The following CFAP54 variants were observed in gnomAD, a reference collection of about 807,000 sequenced individuals.
CFAP54 encodes cilia- and flagella-associated protein 54.
CFAP54 carries 290 observed loss-of-function variants against 370.4 expected under a neutral mutation model. That is an observed-to-expected ratio of 0.78 (90% confidence interval 0.71 to 0.86). The LOEUF (loss-of-function observed/expected upper bound fraction) is 0.86. CFAP54 is among the 40% of genes least tolerant of loss of function. The pLI, the probability that CFAP54 is intolerant of heterozygous loss-of-function variation, is 0.00. For synonymous variants in CFAP54, 1,206 were observed against 1,236.5 expected (o/e 0.98, Z 0.52); for missense variants, 3,399 against 3,528.7 (o/e 0.96, Z 0.93).
chr12:96,555,512 A>C (rs1047912936), intron 17 of CFAP54, among the ~76,000 whole-genome samples: 1 of 150,258 alleles, frequency 6.7e-6, no homozygotes, highest in Non-Finnish European at 1.5e-5. Context: ...TTGTCTACCT[A>C]GAAAATGCAA....
intron 27 of CFAP54, among the ~76,000 whole-genome samples, 154 bp downstream of exon 27, chr12:96,621,875 G>GTTTGTTTTTTTTTTTTTTTTTTTTTTTTT (rs1956496257): frequency 2.0e-5 from 1 of 50,024 alleles, no homozygotes; most frequent in Non-Finnish European, 3.3e-5. Context: ...TTTTGGGTTT[G>GTTTGTTTTTTTTTTTTTTTTTTTTTTTTT]TTTTTTTTTT....
chr12:96,827,907 T>G lies in CFAP54; in HGVS notation c.9097-1107T>G, dbSNP rs2136756127. Among the ~76,000 whole-genome samples the G allele has an allele frequency of 1.8e-5, 2 of 114,118 alleles. 1 individual carries two copies. Among genetic ancestry groups the G allele is most frequent in the South Asian group, 4.7e-4 (2 of 4,286 alleles). The allele number at this position is 114,118 out of a possible 152,430, so 74.9% of individuals were successfully genotyped here. A position where few individuals can be genotyped will look rare whatever the true frequency, so the allele number is the denominator to read the frequency against. On this transcript the variant is annotated intron_variant, in intron 65 of 67. Transcript: ENST00000524981. ...ATATATAATATATAATTATATATAA[T>G]ACATAGTAATATATTATATTATATA...
intron 50 of CFAP54, among the ~76,000 whole-genome samples, chr12:96,724,742 TCCTTG>T (rs1188895291): frequency 6.6e-6 from 1 of 152,252 alleles, no homozygotes; most frequent in Non-Finnish European, 1.5e-5. Context: ...AGACATGAAG[TCCTTG>T]CCCATGCCTA....
chr12:96,831,148 A>G (rs961551157), intron 66 of CFAP54, among the ~76,000 whole-genome samples: 8 of 152,230 alleles, frequency 5.3e-5, no homozygotes, highest in Admixed American at 5.2e-4. Context: ...GTCAGCTGAC[A>G]GATGTTTAGA....
intron 1 of CFAP54, among the ~76,000 whole-genome samples, chr12:96,495,891 C>T (rs76134996): frequency 0.017 from 2,573 of 152,162 alleles, 79 homozygotes; most frequent in African/African-American, 0.059. Context: ...ATCATTATCT[C>T]ATCTGTAAGG....
intron 33 of CFAP54, 72 bp downstream of exon 33, chr12:96,644,480 T>G: frequency 9.3e-7 from 1 of 1,077,202 alleles, no homozygotes; most frequent in Non-Finnish European, 1.3e-6. Flanking sequence ...TGTTCAGAGC[T>G]CCAATGGTGC....
chr12:96,551,485 A>AGGTGTG (rs1955693701), intron 15 of CFAP54, among the ~76,000 whole-genome samples: 1 of 143,776 alleles, frequency 7.0e-6, no homozygotes, highest in African/African-American at 2.6e-5. Context: ...TTGAATGGGT[A>AGGTGTG]TGTGTGTGTG....
In CFAP54 at chr12:96,765,244, GC is replaced by G. The variant is rs1470334089; in HGVS notation, c.8281+27del. Reference sequence around the variant, plus strand: ...GTATGTTTGGATGTCTACATATTATGCAAAAAAACTGATATATGTAATATAG... The same window carrying G: ...GTATGTTTGGATGTCTACATATTATGAAAAAAACTGATATATGTAATATAG... On this transcript the variant is annotated intron_variant, in intron 60 of 67. Transcript: ENST00000524981. 5 of 1,444,766 alleles carry G rather than the reference GC, an allele frequency of 3.5e-6. No individual in the cohort carries two copies. In the Admixed American group the frequency reaches 1.0e-4, roughly 29 times the overall value. The allele number at this position is 1,444,766 out of a possible 1,614,324, so 89.5% of individuals were successfully genotyped here.
chr12:96,640,125 G>C (rs572137979), intron 32 of CFAP54, among the ~76,000 whole-genome samples: 2 of 152,120 alleles, frequency 1.3e-5, no homozygotes, highest in Admixed American at 1.3e-4. Context: ...ATTAGGAAAA[G>C]AGGAAGTCAA....
chr12:96,798,889 A>G (rs1333093490), intron 63 of CFAP54, among the ~76,000 whole-genome samples: 1 of 152,210 alleles, frequency 6.6e-6, no homozygotes, highest in Non-Finnish European at 1.5e-5. Flanking sequence ...AGCTTTCAAC[A>G]TTCTGCAGAA....
chr12:96,593,828 A>G (rs1245479217), intron 24 of CFAP54, among the ~76,000 whole-genome samples: 2 of 152,090 alleles, frequency 1.3e-5, no homozygotes, highest in Non-Finnish European at 2.9e-5. Flanking sequence ...TTTAAGTAGC[A>G]GAAGTATAAT....
chr12:96,604,895 T>G (rs815889), intron 26 of CFAP54, among the ~76,000 whole-genome samples: 105,383 of 152,168 alleles, frequency 0.69, 36,634 homozygotes, highest in African/African-American at 0.71. Flanking sequence ...GGCTTCCCTT[T>G]TCTAGGAAAG....
intron 65 of CFAP54, among the ~76,000 whole-genome samples, chr12:96,825,716 TATATA>T (rs1489043470): frequency 8.8e-5 from 11 of 124,722 alleles, no homozygotes; most frequent in African/African-American, 1.9e-4. Context: ...TTAATTAGAT[TATATA>T]ATATATTATA....
chr12:96,689,119 TTCTC>T, intron 43 of CFAP54, 137 bp downstream of exon 43: 1 of 527,622 alleles, frequency 1.9e-6, no homozygotes, highest in Non-Finnish European at 3.3e-6. Flanking sequence ...AAGCCCGTCT[TTCTC>T]TTGCTGGCTG....
At chr12:96,856,519 C>T (rs1362975797) in intron 66 of CFAP54, among the ~76,000 whole-genome samples, 1 of 152,166 alleles carries the variant, frequency 6.6e-6, no homozygotes, top group South Asian at 2.1e-4. Flanking sequence ...AGGGCAGGGG[C>T]AAAAGGCCGC....
In CFAP54 at chr12:96,643,056, C is replaced by A. The variant is rs79043578; in HGVS notation, c.4317-1122C>A. 4.7e-3 allele frequency among the ~76,000 whole-genome samples: 718 copies of A among 152,124 alleles called. 4 individuals carry two copies. The highest frequency in any genetic ancestry group is 0.016 in the African/African-American group (681 of 41,496). On this transcript the variant is annotated intron_variant, in intron 32 of 67. Coordinates refer to ENST00000524981, the MANE Select transcript of CFAP54 (RefSeq NM_001306084.2). ...CAACCGATTGTTGACTCATCTTGGC[C>A]TTTTGAGGAGAATTGATCTACTCAC...
intron 60 of CFAP54, among the ~76,000 whole-genome samples, chr12:96,777,684 A>G (rs1348261640): frequency 6.6e-6 from 1 of 151,964 alleles, no homozygotes; most frequent in African/African-American, 2.4e-5. Context: ...TGACATTTGA[A>G]TCAATGTGTT....
At chr12:96,509,509 A>T (rs557837544) in intron 4 of CFAP54, among the ~76,000 whole-genome samples, 1 of 152,244 alleles carries the variant, frequency 6.6e-6, no homozygotes, top group East Asian at 1.9e-4. Flanking sequence ...TATTTAACCA[A>T]TCTTGGTTTT....
chr12:96,797,166 C>A (rs534182086), intron 63 of CFAP54, among the ~76,000 whole-genome samples: 2 of 152,022 alleles, frequency 1.3e-5, no homozygotes, highest in African/African-American at 4.8e-5. Context: ...TTATCTATTC[C>A]CAGATTGTGT....
Sources: allele counts gnomAD v4.1 joint callset (sites outside exome capture counted in the v4.1 genomes callset), GRCh38; gene constraint gnomAD v4.1.1; transcripts MANE v1.5; gene names NCBI Gene and HGNC (gene_info 2026-07-23, HGNC 2026-07-21).